VTI1A: variants seen among roughly 807,000 people sequenced by gnomAD.
VTI1A encodes the protein vesicle transport through interaction with t-SNAREs homolog 1A.
A neutral mutation model predicts 34.9 loss-of-function variants in VTI1A; 22 were observed. The observed-to-expected ratio is 0.63, with a 90% CI of 0.45 to 0.90. The LOEUF is 0.90. Among genes scored for constraint, VTI1A ranks in the 40% least tolerant of loss-of-function variants. The pLI is 0.00. For missense variants in VTI1A, 268 were observed against 275.6 expected (o/e 0.97, Z 0.20); for synonymous variants, 87 against 97.3 (o/e 0.89, Z 0.62).
At chr10:112,708,337 A>G (rs1436539119) in intron 7 of VTI1A, among the ~76,000 whole-genome samples, 1 of 152,246 alleles carries the variant, frequency 6.6e-6, no homozygotes, top group Admixed American at 6.5e-5. Context: ...TTGTTTATAC[A>G]TGGGCATATT....
chr10:112,713,542 C>G (rs1389199636), intron 7 of VTI1A, among the ~76,000 whole-genome samples: 1 of 152,182 alleles, frequency 6.6e-6, no homozygotes, highest in East Asian at 1.9e-4. Flanking sequence ...ACACAACTCT[C>G]AAGTCTCAGA....
chr10:112,789,670 A>G (rs1852397795), intron 7 of VTI1A, among the ~76,000 whole-genome samples: 1 of 152,024 alleles, frequency 6.6e-6, no homozygotes, highest in Admixed American at 6.5e-5. Context: ...CAGATTTTCG[A>G]GTTCATAATT....
intron 3 of VTI1A, among the ~76,000 whole-genome samples, chr10:112,497,581 A>G (rs376725652): frequency 1.1e-4 from 17 of 152,214 alleles, no homozygotes; most frequent in African/African-American, 3.9e-4. Context: ...TATATTAGCT[A>G]TTATTTTTGT....
At chr10:112,827,856 A>AT in the VTI1A span, 2 of 152,190 alleles carry the variant, frequency 1.3e-5, no homozygotes, top group African/African-American at 4.8e-5. Flanking sequence ...AGACGCTGTC[A>AT]TTTTTTTAAA....
intron 7 of VTI1A, among the ~76,000 whole-genome samples, chr10:112,723,461 A>C (rs1849886520): frequency 6.6e-6 from 1 of 152,198 alleles, no homozygotes; most frequent in African/African-American, 2.4e-5. Flanking sequence ...TTCTACATTA[A>C]GATCAGGCCA....
intron 4 of VTI1A, among the ~76,000 whole-genome samples, chr10:112,536,428 A>G (rs972277902): frequency 6.6e-6 from 1 of 152,212 alleles, no homozygotes; most frequent in African/African-American, 2.4e-5. Context: ...GCTATTTTTG[A>G]CAAGCCTTAG....
chr10:112,535,365 G>A (rs1212786210), intron 4 of VTI1A, among the ~76,000 whole-genome samples: 1 of 152,160 alleles, frequency 6.6e-6, no homozygotes, highest in Admixed American at 6.6e-5. Context: ...TTATTTCTCA[G>A]TTGGGATTCT....
chr10:112,769,557 C>T (rs1341499859), intron 7 of VTI1A, among the ~76,000 whole-genome samples: 1 of 152,218 alleles, frequency 6.6e-6, no homozygotes, highest in Non-Finnish European at 1.5e-5. Flanking sequence ...ACCACCCCTC[C>T]ATAAGCTGGA....
intron 5 of VTI1A, among the ~76,000 whole-genome samples, chr10:112,556,867 A>G (rs1367672525): frequency 1.3e-5 from 2 of 152,114 alleles, no homozygotes; most frequent in Non-Finnish European, 2.9e-5. Context: ...CTAAATATTT[A>G]AAATTAAAAG....
In VTI1A at chr10:112,753,561, G is replaced by T. The variant is rs114420997; in HGVS notation, c.561-61729G>T. On this transcript the variant is annotated intron_variant, in intron 7 of 7. Coordinates refer to ENST00000393077, the MANE Select transcript of VTI1A (RefSeq NM_145206.4). ...TAGCATGGCGTGCGCTATTTGCAAA[G>T]AATTTTTTCCATCATTGTTTTCATT... 2.6e-3 allele frequency among the ~76,000 whole-genome samples: 391 copies of T among 152,208 alleles called. 2 individuals are homozygous for T. Among genetic ancestry groups the T allele is most frequent in the African/African-American group, 8.4e-3 (347 of 41,538 alleles).
chr10:112,778,499 A>G (rs1852017783), intron 7 of VTI1A, among the ~76,000 whole-genome samples: 1 of 152,120 alleles, frequency 6.6e-6, no homozygotes, highest in African/African-American at 2.4e-5. Flanking sequence ...AAAATGTTGT[A>G]TTTTTAAAAA....
chr10:112,804,765 C>G (rs1449483010), intron 7 of VTI1A, among the ~76,000 whole-genome samples: 1 of 151,936 alleles, frequency 6.6e-6, no homozygotes, highest in African/African-American at 2.4e-5. Context: ...TTCAGCCAGA[C>G]CTGCCAGACC....
chr10:112,831,998 T>C, the VTI1A span: 2 of 152,098 alleles, frequency 1.3e-5, no homozygotes, highest in Non-Finnish European at 2.9e-5. Flanking sequence ...GACACCACAG[T>C]GTGGGAATCG....
At chr10:112,532,114 C>T (rs1231493278) in intron 4 of VTI1A, among the ~76,000 whole-genome samples, 2 of 152,086 alleles carry the variant, frequency 1.3e-5, no homozygotes, top group Non-Finnish European at 2.9e-5. Flanking sequence ...TTTTTAAAAT[C>T]TTATTCTTTG....
At chr10:112,583,478 A>G (rs1370286225) in intron 5 of VTI1A, among the ~76,000 whole-genome samples, 4 of 152,308 alleles carry the variant, frequency 2.6e-5, no homozygotes, top group South Asian at 2.1e-4. Flanking sequence ...TTTCAGTCCT[A>G]TGTATTTACT....
intron 5 of VTI1A, 47 bp from the exon 6 acceptor site, chr10:112,668,171 T>C (rs1847711602): frequency 6.6e-7 from 1 of 1,519,078 alleles, no homozygotes; most frequent in East Asian, 2.3e-5. Flanking sequence ...TTTACTCTCA[T>C]ATGCACTCCA....
intron 7 of VTI1A, chr10:112,737,430 C>G: frequency 9.6e-7 from 1 of 1,037,602 alleles, no homozygotes; most frequent in Non-Finnish European, 1.2e-6. Flanking sequence ...CAAAAATGAA[C>G]TGAACAAAAA....
In VTI1A at chr10:112,512,668, A is replaced by G. The variant is rs536515034; in HGVS notation, c.265-14419A>G. Among the ~76,000 whole-genome samples the G allele has an allele frequency of 1.4e-4, 22 of 152,096 alleles. No individual in the cohort carries two copies. The South Asian group carries it at 4.6e-3, about 32-fold the overall frequency. On this transcript the variant is annotated intron_variant, in intron 3 of 7. Transcript: ENST00000393077. The stretch of plus-strand genomic sequence containing the variant: ...CCATAGGTTTTCTTCTAGTATTTTC[A>G]TAGTTTGGAGTCTTGTGTTTAGGTC...
At chr10:112,579,441 C>T (rs1006271073) in intron 5 of VTI1A, among the ~76,000 whole-genome samples, 4 of 152,196 alleles carry the variant, frequency 2.6e-5, no homozygotes, top group Admixed American at 6.5e-5. Flanking sequence ...GTGGCTCACA[C>T]CTGTAATCGC....
Sources: gnomAD v4.1 joint callset for allele counts (sites outside exome capture counted in the v4.1 genomes callset) on GRCh38, gnomAD v4.1.1 for gene constraint, MANE v1.5 for transcripts, NCBI Gene and HGNC (gene_info 2026-07-23, HGNC 2026-07-21) for gene names.